Variants in TTC28 observed in about 807,000 individuals in gnomAD.
TTC28 encodes the protein tetratricopeptide repeat domain 28, also known as tetratricopeptide repeat protein 28.
A neutral mutation model predicts 198.0 loss-of-function variants in TTC28; 61 were observed. The observed-to-expected ratio is 0.31, with a 90% CI of 0.25 to 0.38. TTC28 has a LOEUF of 0.38. TTC28 is among the 10% of genes least tolerant of loss of function. TTC28 has a pLI of 1.00. For synonymous variants in TTC28, 1,171 were observed against 1,297.8 expected, an observed-to-expected ratio of 0.90 and a Z score of 2.10; for missense variants, 2,678 against 3,164.0, an observed-to-expected ratio of 0.85 and a Z score of 3.69.
At chr22:28,176,968 C>T (rs953771240) in intron 5 of TTC28, among the ~76,000 whole-genome samples, 1 of 152,056 alleles carries the variant, frequency 6.6e-6, no homozygotes, top group Non-Finnish European at 1.5e-5. Flanking sequence ...CAGAGAAAAT[C>T]TACATGACCT....
intron 2 of TTC28, among the ~76,000 whole-genome samples, chr22:28,545,664 T>C (rs1455454850): frequency 2.0e-5 from 3 of 152,162 alleles, no homozygotes; most frequent in Non-Finnish European, 2.9e-5. Flanking sequence ...CAAAAATCAA[T>C]TGTATTTCTA....
intron 5 of TTC28, among the ~76,000 whole-genome samples, chr22:28,202,537 C>CAAAAAAAAAA (rs998861083): frequency 9.0e-6 from 1 of 110,758 alleles, no homozygotes; most frequent in African/African-American, 3.3e-5. Flanking sequence ...GACTCTGTCT[C>CAAAAAAAAAA]AAAAAAAAAA....
intron 2 of TTC28, among the ~76,000 whole-genome samples, chr22:28,426,211 CAAAAAA>C (rs34448246): frequency 1.2e-5 from 1 of 85,660 alleles, no homozygotes. Context: ...GACTCCACGT[CAAAAAA>C]AAAAAAAAAA....
intron 2 of TTC28, among the ~76,000 whole-genome samples, chr22:28,542,222 CAGA>C (rs1469172539): frequency 1.3e-5 from 2 of 151,740 alleles, no homozygotes; most frequent in African/African-American, 4.8e-5. Context: ...AATAGATATG[CAGA>C]AGATCACTAA....
intron 5 of TTC28, among the ~76,000 whole-genome samples, chr22:28,187,568 T>G (rs1306056095): frequency 6.6e-6 from 1 of 152,204 alleles, no homozygotes; most frequent in African/African-American, 2.4e-5. Context: ...TCCAGATGTG[T>G]CCAGGTGGGT....
intron 2 of TTC28, among the ~76,000 whole-genome samples, chr22:28,436,855 AC>A (rs1457869140): frequency 6.6e-6 from 1 of 152,218 alleles, no homozygotes; most frequent in African/African-American, 2.4e-5. Context: ...CCATCATGCT[AC>A]AACCTATACT....
chr22:28,148,968 T>C (rs768709538), intron 6 of TTC28, among the ~76,000 whole-genome samples: 2 of 152,200 alleles, frequency 1.3e-5, no homozygotes, highest in Non-Finnish European at 2.9e-5. Context: ...CCTTCATCCA[T>C]TCAAGACATA....
intron 2 of TTC28, among the ~76,000 whole-genome samples, chr22:28,345,678 T>C (rs1329415254): frequency 6.6e-6 from 1 of 152,244 alleles, no homozygotes; most frequent in Non-Finnish European, 1.5e-5. Context: ...AGGCTCAGTC[T>C]CTTTTTCAAA....
chr22:28,225,096 T>A (rs1177202344), intron 5 of TTC28, among the ~76,000 whole-genome samples: 1 of 151,872 alleles, frequency 6.6e-6, no homozygotes, highest in South Asian at 2.1e-4. Context: ...TGGTGCTGGC[T>A]GGGCACAATG....
intron 12 of TTC28, among the ~76,000 whole-genome samples, chr22:28,082,314 T>C (rs985067073): frequency 6.6e-6 from 1 of 152,220 alleles, no homozygotes; most frequent in Non-Finnish European, 1.5e-5. Flanking sequence ...AAAGAAGGCA[T>C]CCTTGCCTTG....
rs1196076270 is a variant in TTC28, at chr22:27,989,860, C to G, written c.5707+18G>C. ...ATGGAATTCAAGAACCCATTTAAGT[C>G]AAGGATTCTCTGCCTACCTAGAGCT... On this transcript the variant is annotated intron_variant, in intron 21 of 22. Transcript: ENST00000397906. 4 of 1,543,726 alleles carry G rather than the reference C, an allele frequency of 2.6e-6. No individual in the cohort carries two copies. The Admixed American group carries it at 5.9e-5, about 23-fold the overall frequency.
chr22:28,385,999 G>A (rs910236660), intron 2 of TTC28, among the ~76,000 whole-genome samples: 3 of 151,754 alleles, frequency 2.0e-5, no homozygotes, highest in African/African-American at 4.8e-5. Context: ...TCACCAGGCC[G>A]GGCGCGGTGG....
chr22:28,648,946 GAGAA>G (rs1181962913), intron 1 of TTC28, among the ~76,000 whole-genome samples: 1 of 151,482 alleles, frequency 6.6e-6, no homozygotes, highest in East Asian at 1.9e-4. Context: ...GAGAGAGAGA[GAGAA>G]AGAAAGGAAA....
intron 2 of TTC28, among the ~76,000 whole-genome samples, chr22:28,483,983 T>A (rs1432818596): frequency 1.3e-5 from 2 of 152,242 alleles, no homozygotes; most frequent in Non-Finnish European, 2.9e-5. Flanking sequence ...CATTTTTTCA[T>A]AATTTATAAT....
chr22:28,510,383 T>C (rs186491477), intron 2 of TTC28, among the ~76,000 whole-genome samples: 1 of 152,328 alleles, frequency 6.6e-6, no homozygotes, highest in Admixed American at 6.5e-5. Context: ...TCAATAAATG[T>C]GATTCATCAC....
At chr22:28,364,013 T>C (rs1490539616) in intron 2 of TTC28, among the ~76,000 whole-genome samples, 1 of 152,128 alleles carries the variant, frequency 6.6e-6, no homozygotes, top group Non-Finnish European at 1.5e-5. Flanking sequence ...GTTAAGACTT[T>C]GGGGGACTGT....
Position 28,375,522 on chromosome 22 carries a change from C to A in TTC28, c.382-68879G>T, listed in dbSNP as rs5762578. Among the ~76,000 whole-genome samples, 21 of 152,258 alleles carry A rather than the reference C, an allele frequency of 1.4e-4. 1 individual carries two copies. The East Asian group carries it at 4.0e-3, about 29-fold the overall frequency. ...GTACATTATTTAGAGTATTAAGATT[C>A]ATGTTTTAGCCCTGGTAAAAGTAAA... is the stretch of plus-strand genomic sequence containing the variant. On this transcript the variant is annotated intron_variant, in intron 2 of 22. Coordinates refer to ENST00000397906, the MANE Select transcript of TTC28 (RefSeq NM_001145418.2).
rs1442491465 is a variant in TTC28 at position 28,094,201 on chromosome 22, C to T, written c.3811G>A (p.Glu1271Lys). 5.2e-6 allele frequency: 8 copies of T among 1,551,328 alleles called. No individual in the cohort carries two copies. The highest frequency in any genetic ancestry group is 2.4e-5 in the East Asian group (1 of 40,916). Residue 1271 changes from glutamate to lysine, a missense_variant, in exon 12 of 23, where the codon GAA (glutamate) becomes AAA (lysine). Coordinates refer to ENST00000397906, the MANE Select transcript of TTC28 (RefSeq NM_001145418.2). Reference protein sequence around the residue: ...HEHYLGENTVENSSDFQASSS... With the variant: ...HEHYLGENTVKNSSDFQASSS... ...CTGGCCTGGAAGTCACTTGAGTTTT[C>T]CACTGTGTTCTCACCCAGGTAGTGT...
chr22:27,996,107 T>C (rs1171041514), intron 17 of TTC28, 28 bp downstream of exon 17: 2 of 1,537,440 alleles, frequency 1.3e-6, no homozygotes, highest in Non-Finnish European at 1.8e-6. Flanking sequence ...CCAGCTCTCG[T>C]TGAGTGCAGG....
Sources: allele counts gnomAD v4.1 joint callset (sites outside exome capture counted in the v4.1 genomes callset), GRCh38; gene constraint gnomAD v4.1.1; transcripts MANE v1.5; gene names NCBI Gene and HGNC (gene_info 2026-07-23, HGNC 2026-07-21).